The following CDK15 variants were observed in gnomAD, a reference collection of about 807,000 sequenced individuals.
CDK15 encodes cyclin-dependent kinase 15.
In CDK15, 62 loss-of-function variants were observed where a neutral mutation model predicts 60.3. The observed-to-expected ratio is 1.03, with a 90% CI of 0.84 to 1.27. CDK15 has a LOEUF of 1.27. Among genes scored for constraint, CDK15 ranks in the 50% most tolerant of loss-of-function variants. CDK15 has a pLI of 0.00. For missense variants in CDK15, 541 were observed against 527.8 expected, an observed-to-expected ratio of 1.03 and a Z score of -0.25; for synonymous variants, 194 against 195.7, an observed-to-expected ratio of 0.99 and a Z score of 0.07.
intron 12 of CDK15, among the ~76,000 whole-genome samples, chr2:201,890,259 G>A (rs979446965): frequency 6.6e-6 from 1 of 152,038 alleles, no homozygotes; most frequent in Non-Finnish European, 1.5e-5. Context: ...AGTCTGTCTT[G>A]TTCTAACCAT....
At chr2:201,821,032 G>A (rs1696199311) in intron 4 of CDK15, among the ~76,000 whole-genome samples, 1 of 152,118 alleles carries the variant, frequency 6.6e-6, no homozygotes, top group Admixed American at 6.5e-5. Flanking sequence ...AATATCATCA[G>A]GAAGCCGTGT....
intron 12 of CDK15, among the ~76,000 whole-genome samples, chr2:201,890,252 C>T (rs1174684252): frequency 6.6e-6 from 1 of 152,184 alleles, no homozygotes; most frequent in African/African-American, 2.4e-5. Flanking sequence ...ATCTCCCAGT[C>T]TGTCTTGTTC....
At chr2:201,824,096 G>A (rs147998853) in intron 6 of CDK15, among the ~76,000 whole-genome samples, 2 of 152,156 alleles carry the variant, frequency 1.3e-5, no homozygotes, top group East Asian at 1.9e-4. Flanking sequence ...TCAGATTACT[G>A]TGGTCTAAGG....
intron 3 of CDK15, among the ~76,000 whole-genome samples, chr2:201,810,049 C>T (rs1257244552): frequency 6.8e-6 from 1 of 148,132 alleles, no homozygotes; most frequent in Non-Finnish European, 1.5e-5. Flanking sequence ...GTGACACTGT[C>T]TCAAAAAAAA....
Position 201,822,793 on chromosome 2 carries a change from T to G in CDK15, c.449-16T>G. 1 of 1,487,180 alleles carries G rather than the reference T, an allele frequency of 6.7e-7. No individual in the cohort carries two copies. Among genetic ancestry groups the G allele is most frequent in the Non-Finnish European group, 9.4e-7 (1 of 1,065,514 alleles). The allele number at this position is 1,487,180 out of a possible 1,614,324, so 92.1% of individuals were successfully genotyped here. A position where few individuals can be genotyped will look rare whatever the true frequency, so the allele number is the denominator to read the frequency against. ...ATTATCAATGATGGATTTAACATTTTGTTTAATTTTTCTAGCTTCTCTCCT... is the reference window on the plus strand; with the variant it reads ...ATTATCAATGATGGATTTAACATTTGGTTTAATTTTTCTAGCTTCTCTCCT... On this transcript the variant is annotated splice_polypyrimidine_tract_variant and intron_variant, in intron 4 of 13. Transcript: ENST00000652192.
intron 8 of CDK15, 99 bp downstream of exon 8, chr2:201,835,862 G>A (rs768781524): frequency 3.7e-5 from 24 of 655,172 alleles, no homozygotes; most frequent in South Asian, 1.9e-4. Context: ...TGGCAATCAC[G>A]TATATATTTT....
chr2:201,847,230 G>A, intron 8 of CDK15, 151 bp from the exon 9 acceptor site: 2 of 665,604 alleles, frequency 3.0e-6, no homozygotes, highest in Non-Finnish European at 4.9e-6. Flanking sequence ...GTTTGACATA[G>A]GGACTTTTTT....
intron 4 of CDK15, among the ~76,000 whole-genome samples, chr2:201,813,667 C>T (rs1695870620): frequency 6.6e-6 from 1 of 152,194 alleles, no homozygotes; most frequent in South Asian, 2.1e-4. Context: ...AAGTTAGTCT[C>T]AGTGTGACTG....
rs1234294106 is a variant in CDK15, at chr2:201,833,905, C to T, written c.664C>T (p.His222Tyr). 4.3e-6 allele frequency: 7 copies of T among 1,613,888 alleles called. No individual in the cohort carries two copies. Among genetic ancestry groups the T allele is most frequent in the Non-Finnish European group, 5.9e-6 (7 of 1,179,982 alleles). Residue 222 changes from histidine (H) to tyrosine (Y), a missense_variant, in exon 7 of 14, where the codon CAC (histidine) becomes TAC (tyrosine). Transcript: ENST00000652192. ...GTACATCCACCACCAACACGTTCTTCACAGGGACCTGAAACCTCAGAACTT... is the reference window on the plus strand; with the variant it reads ...GTACATCCACCACCAACACGTTCTTTACAGGGACCTGAAACCTCAGAACTT... Reference protein sequence around the residue: ...LAYIHHQHVLHRDLKPQNLLI... With the variant: ...LAYIHHQHVLYRDLKPQNLLI...
At chr2:201,857,378 A>G (rs1323021009) in intron 10 of CDK15, among the ~76,000 whole-genome samples, 1 of 151,948 alleles carries the variant, frequency 6.6e-6, no homozygotes, top group African/African-American at 2.4e-5. Flanking sequence ...AGGGCTCATC[A>G]TCCATTGTTT....
chr2:201,868,246 G>T (rs1193205710), intron 10 of CDK15, among the ~76,000 whole-genome samples: 1 of 152,148 alleles, frequency 6.6e-6, no homozygotes, highest in Non-Finnish European at 1.5e-5. Flanking sequence ...ACAGAGTGAA[G>T]AAATTTTTAT....
At chr2:201,889,790 C>T (rs1194311683) in intron 12 of CDK15, among the ~76,000 whole-genome samples, 2 of 152,066 alleles carry the variant, frequency 1.3e-5, no homozygotes, top group South Asian at 2.1e-4. Flanking sequence ...AGGCTCATGC[C>T]TATGATCCCA....
chr2:201,892,446 C>T (rs982991880), intron 13 of CDK15, among the ~76,000 whole-genome samples: 10 of 152,138 alleles, frequency 6.6e-5, no homozygotes, highest in African/African-American at 2.4e-4. Flanking sequence ...GATAACCTTG[C>T]CTTTCTGATC....
chr2:201,810,226 T>G (rs909180561), intron 3 of CDK15, among the ~76,000 whole-genome samples: 1 of 151,790 alleles, frequency 6.6e-6, no homozygotes, highest in African/African-American at 2.4e-5. Flanking sequence ...GAAAAGTATA[T>G]GCAAAATAGT....
chr2:201,809,126 A>G (rs1329904392), intron 3 of CDK15, among the ~76,000 whole-genome samples: 1 of 152,104 alleles, frequency 6.6e-6, no homozygotes, highest in Non-Finnish European at 1.5e-5. Context: ...ATAAAGGACC[A>G]CATTTTATTT....
intron 10 of CDK15, among the ~76,000 whole-genome samples, chr2:201,863,154 AT>A (rs1698465977): frequency 1.3e-5 from 2 of 152,172 alleles, no homozygotes; most frequent in South Asian, 4.1e-4. Flanking sequence ...AGTGAAATTA[AT>A]TTAGATACAC....
intron 9 of CDK15, among the ~76,000 whole-genome samples, chr2:201,850,688 A>G (rs1697869107): frequency 6.6e-6 from 1 of 152,170 alleles, no homozygotes; most frequent in Non-Finnish European, 1.5e-5. Flanking sequence ...TGGTAGTTCC[A>G]TTTTTAATAT....
At position 201,894,175 on chromosome 2, in the gene CDK15, CCTT is replaced by C. The variant is rs1266419757; in HGVS notation, c.*911_*913del. 2 of 152,114 alleles carry C rather than the reference CCTT, an allele frequency of 1.3e-5. No individual in the cohort carries two copies. The highest frequency in any genetic ancestry group is 2.4e-5 in the African/African-American group (1 of 41,328). 9.4% of individuals were successfully genotyped at this position (152,114 alleles called of 1,614,324 possible). A position where few individuals can be genotyped will look rare whatever the true frequency, so the allele number is the denominator to read the frequency against. On this transcript the variant is annotated 3_prime_UTR_variant, in exon 14 of 14. Coordinates refer to ENST00000652192, the MANE Select transcript of CDK15 (RefSeq NM_001366386.2). The stretch of plus-strand genomic sequence containing the variant: ...ACGTGTGCCGTTTTATACAATGACT[CCTT>C]CTAAAAGCAGCCAGGGAAACTCAAA...
chr2:201,817,375 AT>A (rs1229253137), intron 4 of CDK15, among the ~76,000 whole-genome samples: 1 of 152,118 alleles, frequency 6.6e-6, no homozygotes, highest in African/African-American at 2.4e-5. Context: ...TTCTCTGATG[AT>A]TCGTGATGTT....
Sources: gnomAD v4.1 joint callset for allele counts (sites outside exome capture counted in the v4.1 genomes callset) on GRCh38, gnomAD v4.1.1 for gene constraint, MANE v1.5 for transcripts, NCBI Gene and HGNC (gene_info 2026-07-23, HGNC 2026-07-21) for gene names.